Variants in WDR54 observed in about 807,000 individuals in gnomAD.
WDR54 encodes the protein WD repeat domain 54.
A neutral mutation model predicts 44.1 loss-of-function variants in WDR54; 44 were observed. The observed-to-expected ratio is 1.00, with a 90% confidence interval of 0.78 to 1.28. The LOEUF is 1.28. Ranked by LOEUF, WDR54 falls within the 50% of genes most tolerant of loss-of-function variation. The pLI is 0.00. For synonymous variants in WDR54, 169 were observed against 169.8 expected (o/e 1.00, Z 0.04); for missense variants, 409 against 429.7 (o/e 0.95, Z 0.43).
intron 1 of WDR54, 45 bp downstream of exon 1, chr2:74,421,861 A>C (rs1459340006): frequency 1.6e-6 from 1 of 637,324 alleles, no homozygotes; most frequent in Admixed American, 2.8e-5. Flanking sequence ...ATCCGAGCCG[A>C]GGGAGAAAGC....
At chr2:74,424,774 G>A in intron 6 of WDR54, 101 bp from the exon 7 acceptor site, 1 of 1,453,074 alleles carries the variant, frequency 6.9e-7, no homozygotes, top group South Asian at 1.2e-5. Flanking sequence ...CCTTTCCCTG[G>A]AGAGGCAAAG....
At chr2:74,423,746 G>C (rs866983455) in intron 5 of WDR54, 109 bp from the exon 6 acceptor site, 4 of 1,530,984 alleles carry the variant, frequency 2.6e-6, no homozygotes, top group African/African-American at 2.7e-5. Context: ...GGAGCAGTGA[G>C]AGGGGGTTTT....
At chr2:74,423,602 GC>G (rs1670221776) in intron 5 of WDR54, 71 bp downstream of exon 5, 9 of 1,579,766 alleles carry the variant, frequency 5.7e-6, no homozygotes, top group Non-Finnish European at 6.9e-6. Flanking sequence ...AATAATGAGG[GC>G]CTGAGGAAAT....
intron 2 of WDR54, 71 bp from the exon 3 acceptor site, chr2:74,422,793 CCAAAAA>C: frequency 9.4e-6 from 9 of 958,204 alleles, no homozygotes; most frequent in Admixed American, 2.6e-5. Flanking sequence ...ACTCCGTCCC[CCAAAAA>C]AAAAAAAAAA....
chr2:74,425,581 T>A lies in WDR54; in HGVS notation c.885T>A (p.Cys295Ter). 6.2e-7 allele frequency: 1 copy of A among 1,614,160 alleles called. No homozygotes were observed. The highest frequency in any genetic ancestry group is 8.5e-7 in the Non-Finnish European group (1 of 1,180,022). The change falls in exon 10 of 10, where the codon TGT becomes TGA. Residue 295 changes from cysteine (C) to a stop codon, truncating the protein, a stop_gained. Transcript: ENST00000348227. LOFTEE classifies it high-confidence loss of function. ...CTCTGCTCCCCCAGGTGGAACACTG[T>A]CATGGTGAGTGTGTCGCCGACACCC... ...PESGYIEVEH[C>*]HGECVADTQL... is the part of the protein sequence containing the mutation.
At position 74,425,120 on chromosome 2, in the gene WDR54, A is replaced by G; in HGVS notation, c.681A>G (p.Ala227=). The G allele has an allele frequency of 6.3e-7, 1 of 1,579,086 alleles. No homozygotes were observed. The highest frequency in any genetic ancestry group is 8.6e-7 in the Non-Finnish European group (1 of 1,158,692). Residue 227 remains alanine (A), a synonymous_variant, in exon 8 of 10, where the codon GCA becomes GCG. Coordinates refer to ENST00000348227, the MANE Select transcript of WDR54 (RefSeq NM_032118.4). ...AGCTGTGGCAGGGGATCATAGCAGC[A>G]GGCTATGGGAACGGACAAGTGCATC... ...SVQLWQGIIA[A]GYGNGQVHLY...
At chr2:74,425,040 T>C (rs745946586) in intron 7 of WDR54, 35 bp from the exon 8 acceptor site, 6 of 1,613,408 alleles carry the variant, frequency 3.7e-6, no homozygotes, top group Non-Finnish European at 5.1e-6. Flanking sequence ...TAGGATTTGA[T>C]CTGGGCAAAA....
chr2:74,422,123 G>C, intron 1 of WDR54, 30 bp from the exon 2 acceptor site: 4 of 1,602,204 alleles, frequency 2.5e-6, no homozygotes, highest in Non-Finnish European at 3.4e-6. Context: ...TTTGTAGCGC[G>C]CCTGGTGATT....
intron 2 of WDR54, 103 bp from the exon 3 acceptor site, chr2:74,422,767 T>G (rs549311444): frequency 2.6e-6 from 3 of 1,135,772 alleles, no homozygotes; most frequent in African/African-American, 1.6e-5. Context: ...CACTCCAGCC[T>G]GGGCCACAGA....
chr2:74,422,946 TC>T lies in WDR54; in HGVS notation c.285+15del. 1 of 1,614,040 alleles carries T rather than the reference TC, an allele frequency of 6.2e-7. No individual in the cohort carries two copies. The highest frequency in any genetic ancestry group is 1.3e-5 in the African/African-American group (1 of 75,018). The stretch of plus-strand genomic sequence containing the variant: ...CGAGGAATACAGGTAAGAAGAGGAC[TC>T]TCCTGCTTGCCCCACCAGAGCCTTC... On this transcript the variant is annotated intron_variant, in intron 3 of 9. Coordinates refer to ENST00000348227, the MANE Select transcript of WDR54 (RefSeq NM_032118.4).
At chr2:74,424,721 G>A (rs1215576014) in intron 6 of WDR54, among the ~76,000 whole-genome samples, 154 bp from the exon 7 acceptor site, 1 of 152,220 alleles carries the variant, frequency 6.6e-6, no homozygotes, top group African/African-American at 2.4e-5. Flanking sequence ...GGTGGTAGGG[G>A]TGGTTTCTGA....
chr2:74,422,517 G>C (rs1276291225), intron 2 of WDR54, 142 bp downstream of exon 2: 1 of 1,069,272 alleles, frequency 9.4e-7, no homozygotes, highest in East Asian at 2.6e-5. Context: ...CTCTCCTGCC[G>C]GGCGCGGTGG....
intron 3 of WDR54, 97 bp from the exon 4 acceptor site, chr2:74,423,222 T>C: frequency 1.4e-6 from 2 of 1,409,962 alleles, no homozygotes; most frequent in Non-Finnish European, 2.0e-6. Flanking sequence ...CCAGATTTGT[T>C]TTGAGGATTA....
Position 74,422,794 on chromosome 2 carries a change from C to CA in WDR54, c.223-60dup, listed in dbSNP as rs1164877169. ...GGCCACAGAGCAAGACTCCGTCCCC[C>CA]AAAAAAAAAAAAAAAACAAACAAAC... On this transcript the variant is annotated intron_variant, in intron 2 of 9. Coordinates refer to ENST00000348227, the MANE Select transcript of WDR54 (RefSeq NM_032118.4). 2,087 of 1,049,742 alleles carry CA rather than the reference C, an allele frequency of 2.0e-3. 8 individuals are homozygous for CA. Among genetic ancestry groups the CA allele is most frequent in the African/African-American group, 0.011 (626 of 58,986 alleles). 65.0% of individuals were successfully genotyped at this position (1,049,742 alleles called of 1,614,324 possible).
chr2:74,425,151 GAGGCCACTAC>G lies in WDR54; in HGVS notation c.716_725del (p.Ala239GlufsTer40). On this transcript the variant is annotated frameshift_variant, in exon 8 of 10. Transcript: ENST00000348227. LOFTEE classifies it high-confidence loss of function. ...TGGGAACGGACAAGTGCATCTATAT[GAGGCCACTAC>G]AGGAAATCTACATGTCCAGATCAAT... 1 of 1,557,958 alleles carries G rather than the reference GAGGCCACTAC, an allele frequency of 6.4e-7. No homozygotes were observed. Among genetic ancestry groups the G allele is most frequent in the Non-Finnish European group, 8.7e-7 (1 of 1,147,796 alleles).
rs773737238 is a variant in WDR54, at chr2:74,425,247, C to G, written c.798+10C>G. On this transcript the variant is annotated intron_variant, in intron 8 of 9. Transcript: ENST00000348227. Reference sequence around the variant, plus strand: ...TTCTGAGGTGGGCAAGGTAAGTCTCCTCCTCTGTACCTACATACCCTTTTT... The same window carrying G: ...TTCTGAGGTGGGCAAGGTAAGTCTCGTCCTCTGTACCTACATACCCTTTTT... 6.5e-7 allele frequency: 1 copy of G among 1,531,524 alleles called. No individual in the cohort carries two copies. Among genetic ancestry groups the G allele is most frequent in the Non-Finnish European group, 8.8e-7 (1 of 1,139,040 alleles). 94.9% of individuals were successfully genotyped at this position (1,531,524 alleles called of 1,614,324 possible).
At chr2:74,424,419 A>C (rs1558534407) in intron 6 of WDR54, among the ~76,000 whole-genome samples, 1 of 152,214 alleles carries the variant, frequency 6.6e-6, no homozygotes, top group Non-Finnish European at 1.5e-5. Context: ...AGTAATTTGC[A>C]AACCTCTTGA....
Position 74,422,334 on chromosome 2 carries a change from G to A in WDR54, c.181G>A (p.Ala61Thr), listed in dbSNP as rs147527356. ...GVPLAQRQLH[A>T]KEGAGVSPPL... ...GCCCTTGGCCCAGCGCCAGCTCCAC[G>A]CTAAGGAGGGTGCTGGAGTGAGTCC... Residue 61 changes from alanine (A) to threonine (T), a missense_variant, in exon 2 of 10, where the codon GCT (alanine) becomes ACT (threonine). Transcript: ENST00000348227. The A allele has an allele frequency of 1.7e-3, 2,759 of 1,614,140 alleles. 5 individuals are homozygous for A. Among genetic ancestry groups the A allele is most frequent in the Non-Finnish European group, 1.8e-3 (2,156 of 1,180,010 alleles).
intron 6 of WDR54, among the ~76,000 whole-genome samples, chr2:74,424,208 T>C (rs1172851236): frequency 6.6e-6 from 1 of 152,146 alleles, no homozygotes; most frequent in Non-Finnish European, 1.5e-5. Flanking sequence ...AAATGAGGAG[T>C]TGGAACAAAT....
Sources: gnomAD v4.1 joint callset for allele counts (sites outside exome capture counted in the v4.1 genomes callset) on GRCh38, gnomAD v4.1.1 for gene constraint, MANE v1.5 for transcripts, NCBI Gene and HGNC (gene_info 2026-07-23, HGNC 2026-07-21) for gene names.